Variants in ALK observed in about 807,000 individuals in gnomAD.
The protein encoded by ALK is ALK receptor tyrosine kinase, also known as ALK tyrosine kinase receptor.
In ALK, 74 loss-of-function variants were observed where a neutral mutation model predicts 163.1. That is an observed-to-expected ratio of 0.45 (90% CI 0.38 to 0.55). The LOEUF is 0.55. Ranked by LOEUF, ALK falls within the 20% of genes least tolerant of loss-of-function variation. ALK has a pLI of 0.00. For synonymous variants in ALK, 960 were observed against 843.2 expected (o/e 1.14, Z -2.40); for missense variants, 2,063 against 2,105.3 (o/e 0.98, Z 0.39).
chr2:29,604,216 G>T (rs988065390), intron 3 of ALK, among the ~76,000 whole-genome samples: 7 of 145,518 alleles, frequency 4.8e-5, no homozygotes, highest in Non-Finnish European at 1.0e-4. Context: ...ATCAAAAAGA[G>T]AATATTTTAT....
intron 3 of ALK, among the ~76,000 whole-genome samples, chr2:29,536,482 C>T (rs753161023): frequency 6.6e-6 from 1 of 152,164 alleles, no homozygotes; most frequent in Non-Finnish European, 1.5e-5. Flanking sequence ...GCTTCCAGTA[C>T]AGCCTGCAGA....
At position 29,830,955 on chromosome 2, in the gene ALK, A is replaced by AAAGAAGAAGAAGAAG. The variant is rs1161936241; in HGVS notation, c.667+89023_667+89037dup. ...GAAGAAGAAGAAGAAAAGAAGAAGA[A>AAAGAAGAAGAAGAAG]AAGAAGAAGAAGAAGAAGAAGAAGA... On this transcript the variant is annotated intron_variant, in intron 1 of 28. Transcript: ENST00000389048. 6.8e-4 allele frequency among the ~76,000 whole-genome samples: 19 copies of AAAGAAGAAGAAGAAG among 27,746 alleles called. 1 individual carries two copies. The highest frequency in any genetic ancestry group is 1.7e-3 in the African/African-American group (14 of 8,412). The allele number at this position is 27,746 out of a possible 152,430, so 18.2% of individuals were successfully genotyped here.
chr2:29,822,498 T>C (rs1323593374), intron 1 of ALK, among the ~76,000 whole-genome samples: 1 of 152,228 alleles, frequency 6.6e-6, no homozygotes, highest in African/African-American at 2.4e-5. Flanking sequence ...GGTTTTTGGC[T>C]CCTGGGCTGC....
chr2:29,278,719 C>T (rs924271677), intron 9 of ALK, among the ~76,000 whole-genome samples: 40 of 152,212 alleles, frequency 2.6e-4, no homozygotes, highest in East Asian at 1.9e-4. Flanking sequence ...AAAACAGGCA[C>T]TTAGAGTGAC....
chr2:29,287,320 C>G (rs575412285), intron 9 of ALK, among the ~76,000 whole-genome samples: 152 of 152,300 alleles, frequency 1.0e-3, no homozygotes, highest in Middle Eastern at 6.8e-3. Flanking sequence ...GGCCATGTTT[C>G]AAAGAATACT....
At chr2:29,812,550 T>C (rs1664783690) in intron 1 of ALK, among the ~76,000 whole-genome samples, 1 of 152,164 alleles carries the variant, frequency 6.6e-6, no homozygotes, top group East Asian at 1.9e-4. Flanking sequence ...TTCATACATA[T>C]AAAAAATTCC....
chr2:29,603,364 A>AT (rs1423403919), intron 3 of ALK, among the ~76,000 whole-genome samples: 61 of 152,320 alleles, frequency 4.0e-4, no homozygotes, highest in African/African-American at 1.3e-3. Flanking sequence ...ACAGAAATAT[A>AT]TTTTGGGGTA....
intron 5 of ALK, among the ~76,000 whole-genome samples, chr2:29,351,229 T>A (rs1201550416): frequency 6.6e-6 from 1 of 152,184 alleles, no homozygotes; most frequent in Non-Finnish European, 1.5e-5. Context: ...TTTTGGGATC[T>A]TATATTTTTG....
At chr2:29,439,098 G>C (rs1038774768) in intron 4 of ALK, among the ~76,000 whole-genome samples, 2 of 152,194 alleles carry the variant, frequency 1.3e-5, no homozygotes, top group Non-Finnish European at 2.9e-5. Flanking sequence ...TGCAAGTCCT[G>C]AGAGTACACA....
At chr2:29,198,961 CTTTTT>C (rs145929777) in intron 26 of ALK, among the ~76,000 whole-genome samples, 1 of 144,910 alleles carries the variant, frequency 6.9e-6, no homozygotes, top group African/African-American at 2.5e-5. Context: ...TAGTTGTTTT[CTTTTT>C]TTTTTTTTAT....
chr2:29,855,451 C>T (rs181544228), intron 1 of ALK, among the ~76,000 whole-genome samples: 6 of 152,122 alleles, frequency 3.9e-5, no homozygotes, highest in Admixed American at 3.9e-4. Context: ...TTCCTTCTAC[C>T]AAGAGATCAC....
At chr2:29,396,355 C>T (rs1332784148) in intron 4 of ALK, among the ~76,000 whole-genome samples, 3 of 152,188 alleles carry the variant, frequency 2.0e-5, no homozygotes, top group Admixed American at 6.5e-5. Flanking sequence ...GTCCATTCTA[C>T]ACCCCGTGTC....
At chr2:29,854,353 G>C (rs7578586) in intron 1 of ALK, among the ~76,000 whole-genome samples, 1 of 151,902 alleles carries the variant, frequency 6.6e-6, no homozygotes, top group Admixed American at 6.6e-5. Context: ...TGAATCCCTC[G>C]TGTCTCACTG....
intron 5 of ALK, among the ~76,000 whole-genome samples, chr2:29,374,066 A>C (rs140399757): frequency 5.1e-4 from 78 of 152,336 alleles, no homozygotes; most frequent in African/African-American, 1.8e-3. Context: ...GCGCAGATGG[A>C]AAGGCAAAAG....
intron 3 of ALK, among the ~76,000 whole-genome samples, chr2:29,556,279 T>C (rs10198871): frequency 0.17 from 25,194 of 152,152 alleles, 2,397 homozygotes; most frequent in East Asian, 0.28. Context: ...AAAGTGTCTA[T>C]GAAATAGGGA....
rs76562433 is a variant in ALK, at chr2:29,560,456, G to A, written c.953-28340C>T. 3.3e-4 allele frequency among the ~76,000 whole-genome samples: 51 copies of A among 152,312 alleles called. No homozygotes were observed. The East Asian group carries it at 7.7e-3, about 23-fold the overall frequency. On this transcript the variant is annotated intron_variant, in intron 3 of 28. Coordinates refer to ENST00000389048, the MANE Select transcript of ALK (RefSeq NM_004304.5). ...AATTGAGAATGACTGCAAATGAGCC[G>A]AAGGCCTTTTTTTGGGGTGATAAAA...
Position 29,821,650 on chromosome 2 carries a change from T to C in ALK, c.667+98343A>G, listed in dbSNP as rs541944649. 6.4e-4 allele frequency among the ~76,000 whole-genome samples: 97 copies of C among 152,282 alleles called. 1 individual carries two copies. The highest frequency in any genetic ancestry group is 2.2e-3 in the African/African-American group (92 of 41,566). On this transcript the variant is annotated intron_variant, in intron 1 of 28. Transcript: ENST00000389048. ...GGCATCTGTAGGGGTTCTGGGGCAC[T>C]CGATTGCTCCAGATCACTCTGCTCC...
intron 2 of ALK, among the ~76,000 whole-genome samples, chr2:29,700,789 A>G (rs1259878466): frequency 6.6e-6 from 1 of 152,220 alleles, no homozygotes; most frequent in Non-Finnish European, 1.5e-5. Flanking sequence ...TGTGGTAAGT[A>G]TCAGAAAACC....
At chr2:29,539,018 C>T (rs1673338277) in intron 3 of ALK, among the ~76,000 whole-genome samples, 1 of 150,478 alleles carries the variant, frequency 6.6e-6, no homozygotes, top group Admixed American at 6.7e-5. Flanking sequence ...ATTTAGTCTT[C>T]CTGCCCTTTC....
Sources: gnomAD v4.1 joint callset for allele counts (sites outside exome capture counted in the v4.1 genomes callset) on GRCh38, gnomAD v4.1.1 for gene constraint, MANE v1.5 for transcripts, NCBI Gene and HGNC (gene_info 2026-07-23, HGNC 2026-07-21) for gene names.